The following KIAA1328 variants were observed in gnomAD, a reference collection of about 807,000 sequenced individuals.
KIAA1328 encodes KIAA1328.
KIAA1328 carries 52 observed loss-of-function variants against 68.1 expected under a neutral mutation model. That is an observed-to-expected ratio of 0.76 (90% confidence interval 0.61 to 0.96). The LOEUF (loss-of-function observed/expected upper bound fraction) is 0.96, where lower values mean the gene tolerates loss of function less well. KIAA1328 is among the 40% of genes least tolerant of loss of function. The probability of loss-of-function intolerance (pLI) is 0.00; values close to 1 mark genes in which losing one functional copy is unlikely to be tolerated. For missense variants in KIAA1328, 641 were observed against 677.6 expected (o/e 0.95, Z 0.60); for synonymous variants, 232 against 239.4 (o/e 0.97, Z 0.28).
chr18:37,081,838 T>A (rs754658096), intron 7 of KIAA1328, among the ~76,000 whole-genome samples: 3 of 152,196 alleles, frequency 2.0e-5, no homozygotes, highest in Admixed American at 6.5e-5. Context: ...ACACCCCGAC[T>A]CTTCATTATA....
At chr18:37,194,316 A>G (rs916872477) in intron 9 of KIAA1328, among the ~76,000 whole-genome samples, 7 of 152,230 alleles carry the variant, frequency 4.6e-5, no homozygotes, top group African/African-American at 7.2e-5. Context: ...TGAAAATAGT[A>G]TCTTGTAGTT....
intron 7 of KIAA1328, among the ~76,000 whole-genome samples, chr18:37,125,398 T>C (rs2058366653): frequency 6.6e-6 from 1 of 152,166 alleles, no homozygotes; most frequent in Admixed American, 6.5e-5. Context: ...ATGCTTATAT[T>C]AGAAAGTTTA....
chr18:37,019,616 G>C (rs2054271169), intron 6 of KIAA1328, among the ~76,000 whole-genome samples: 1 of 152,216 alleles, frequency 6.6e-6, no homozygotes, highest in Non-Finnish European at 1.5e-5. Context: ...TCTCTGCATG[G>C]GGATGGGCAG....
At chr18:37,002,228 C>CTTTTTTTTTTTTTTT (rs145948250) in intron 6 of KIAA1328, among the ~76,000 whole-genome samples, 25 of 95,166 alleles carry the variant, frequency 2.6e-4, no homozygotes, top group South Asian at 4.0e-4. Context: ...ATTTTTTTTT[C>CTTTTTTTTTTTTTTT]TTTTTTTTTT....
At chr18:37,098,112 T>C (rs1451602334) in intron 7 of KIAA1328, among the ~76,000 whole-genome samples, 2 of 152,190 alleles carry the variant, frequency 1.3e-5, no homozygotes, top group African/African-American at 4.8e-5. Context: ...AATACTATGT[T>C]GAATAGGAGT....
chr18:36,949,213 G>A (rs2051040798), intron 5 of KIAA1328, among the ~76,000 whole-genome samples: 1 of 151,966 alleles, frequency 6.6e-6, no homozygotes, highest in Non-Finnish European at 1.5e-5. Context: ...TTTCTCCTTC[G>A]GGTCCAGCTG....
In KIAA1328 at chr18:37,223,238, C is replaced by G; in HGVS notation, c.*1011C>G. 1 of 985,254 alleles carries G rather than the reference C, an allele frequency of 1.0e-6. No homozygotes were observed. The highest frequency in any genetic ancestry group is 1.7e-5 in the African/African-American group (1 of 57,276). The allele number at this position is 985,254 out of a possible 1,614,324, so 61.0% of individuals were successfully genotyped here. A position where few individuals can be genotyped will look rare whatever the true frequency, so the allele number is the denominator to read the frequency against. On this transcript the variant is annotated 3_prime_UTR_variant, in exon 10 of 10. Transcript: ENST00000280020. ...GCCTCACAGGTGCTCTGCTCGTGGC[C>G]CCAAAGAACCATCTCTACTTGCCAG...
intron 9 of KIAA1328, among the ~76,000 whole-genome samples, chr18:37,191,964 C>T (rs992272147): frequency 1.1e-4 from 16 of 152,162 alleles, no homozygotes; most frequent in African/African-American, 3.1e-4. Flanking sequence ...TTAAACTGGA[C>T]GAATCTCAGG....
At chr18:37,172,948 A>G in intron 8 of KIAA1328, 25 bp from the exon 9 acceptor site, 1 of 1,558,554 alleles carries the variant, frequency 6.4e-7, no homozygotes, top group Non-Finnish European at 8.8e-7. Context: ...GAATGCCCAA[A>G]TTATTTTCTT....
intron 6 of KIAA1328, among the ~76,000 whole-genome samples, chr18:37,060,133 T>C (rs979936071): frequency 4.6e-5 from 7 of 152,020 alleles, no homozygotes; most frequent in Non-Finnish European, 1.0e-4. Context: ...ATTCTGCACA[T>C]GTATCCCAGA....
At chr18:36,956,779 G>A (rs1158937205) in intron 5 of KIAA1328, among the ~76,000 whole-genome samples, 1 of 152,054 alleles carries the variant, frequency 6.6e-6, no homozygotes, top group East Asian at 1.9e-4. Context: ...AAAAATTACT[G>A]CCTGTGGTAA....
At chr18:37,177,929 A>G (rs1265003061) in intron 9 of KIAA1328, among the ~76,000 whole-genome samples, 2 of 152,196 alleles carry the variant, frequency 1.3e-5, no homozygotes, top group Non-Finnish European at 2.9e-5. Context: ...CAGAGAATCT[A>G]GCACATCCAT....
At chr18:37,183,169 GT>G (rs931898337) in intron 9 of KIAA1328, among the ~76,000 whole-genome samples, 9 of 151,798 alleles carry the variant, frequency 5.9e-5, no homozygotes, top group Non-Finnish European at 1.0e-4. Flanking sequence ...TATTGTGTGT[GT>G]TTTTTTTGGG....
intron 7 of KIAA1328, among the ~76,000 whole-genome samples, chr18:37,141,623 TTA>T (rs2058766263): frequency 2.0e-5 from 3 of 152,178 alleles, no homozygotes; most frequent in Non-Finnish European, 4.4e-5. Context: ...AGGAGTGAAA[TTA>T]CTGTATCATA....
In KIAA1328 at chr18:36,988,321, A is replaced by T. The variant is rs143159335; in HGVS notation, c.576+28886A>T. On this transcript the variant is annotated intron_variant, in intron 6 of 9. Transcript: ENST00000280020. The stretch of plus-strand genomic sequence containing the variant: ...AAGCCCTGTAAAACCTGAAATTTCC[A>T]TGTTTCAACTCTTTTTTACATGCCT... Among the ~76,000 whole-genome samples, 19 of 152,318 alleles carry T rather than the reference A, an allele frequency of 1.2e-4. No individual in the cohort carries two copies. The East Asian group carries it at 3.7e-3, about 29-fold the overall frequency.
chr18:37,084,363 T>C (rs2057036447), intron 7 of KIAA1328: 1 of 400,790 alleles, frequency 2.5e-6, no homozygotes, highest in Non-Finnish European at 4.3e-6. Flanking sequence ...ATTCCTGTTA[T>C]ACAATTTTGA....
intron 9 of KIAA1328, among the ~76,000 whole-genome samples, chr18:37,211,751 G>T (rs757499512): frequency 2.0e-5 from 3 of 152,086 alleles, no homozygotes; most frequent in African/African-American, 7.2e-5. Context: ...ATATTTCATA[G>T]TAATGAGTAC....
At chr18:36,847,667 C>A (rs879714479) in intron 4 of KIAA1328, among the ~76,000 whole-genome samples, 1 of 151,434 alleles carries the variant, frequency 6.6e-6, no homozygotes, top group African/African-American at 2.4e-5. Context: ...GTCAAATATG[C>A]GTTTTATTCT....
chr18:36,914,848 A>G (rs2049620974), intron 5 of KIAA1328, among the ~76,000 whole-genome samples: 1 of 152,212 alleles, frequency 6.6e-6, no homozygotes, highest in South Asian at 2.1e-4. Context: ...TTACCTCAAA[A>G]TGAAACAGGT....
Sources: gnomAD v4.1 joint callset for allele counts (sites outside exome capture counted in the v4.1 genomes callset) on GRCh38, gnomAD v4.1.1 for gene constraint, MANE v1.5 for transcripts, NCBI Gene and HGNC (gene_info 2026-07-23, HGNC 2026-07-21) for gene names.